CACNA2D1: variants seen among roughly 807,000 people sequenced by gnomAD.
CACNA2D1 encodes voltage-dependent calcium channel subunit alpha-2/delta-1.
A neutral mutation model predicts 171.5 loss-of-function variants in CACNA2D1; 53 were observed. The ratio of observed to expected loss-of-function variants is 0.31; its 90% CI spans 0.25 to 0.39. The LOEUF is 0.39. Among genes scored for constraint, CACNA2D1 ranks in the 10% least tolerant of loss-of-function variants. The pLI is 1.00. For synonymous variants in CACNA2D1, 442 were observed against 443.1 expected (o/e 1.00, Z 0.03); for missense variants, 903 against 1,299.8 (o/e 0.69, Z 4.69).
At chr7:82,386,558 C>T (rs887041746) in intron 1 of CACNA2D1, among the ~76,000 whole-genome samples, 2 of 152,044 alleles carry the variant, frequency 1.3e-5, no homozygotes, top group East Asian at 3.9e-4. Context: ...CATGGAGAAA[C>T]CCCGTCTCTA....
rs566933104 is a variant in CACNA2D1 at position 82,067,847 on chromosome 7, A to G, written c.659-1323T>C. Among the ~76,000 whole-genome samples, 9 of 152,254 alleles carry G rather than the reference A, an allele frequency of 5.9e-5. No individual in the cohort carries two copies. The East Asian group carries it at 1.7e-3, about 29-fold the overall frequency. Reference sequence around the variant, plus strand: ...CCAAGATAGGGTCTTAGTAATACCTAAAATTTTATAGAAATTGTATCCTAC... The same window carrying G: ...CCAAGATAGGGTCTTAGTAATACCTGAAATTTTATAGAAATTGTATCCTAC... On this transcript the variant is annotated intron_variant, in intron 7 of 38. Transcript: ENST00000356860.
chr7:81,962,527 T>C lies in CACNA2D1; in HGVS notation c.2781-32A>G, dbSNP rs1296558494. The C allele has an allele frequency of 2.8e-6, 4 of 1,405,192 alleles. No individual in the cohort carries two copies. In the African/African-American group the frequency reaches 4.3e-5, roughly 15 times the overall value. 87.0% of individuals were successfully genotyped at this position (1,405,192 alleles called of 1,614,324 possible). A position where few individuals can be genotyped will look rare whatever the true frequency, so the allele number is the denominator to read the frequency against. The stretch of plus-strand genomic sequence containing the variant: ...TTTTCAAATAAAAAAAAAATAAACA[T>C]CTAGGGAAAAAATGTGTTTTTACAT... On this transcript the variant is annotated intron_variant, in intron 34 of 38. Transcript: ENST00000356860.
chr7:81,991,140 T>G (rs757605219), intron 21 of CACNA2D1, 45 bp downstream of exon 21: 1 of 930,600 alleles, frequency 1.1e-6, no homozygotes, highest in Non-Finnish European at 1.8e-6. Context: ...AGACTTAATA[T>G]TAATCCATTG....
In CACNA2D1 at chr7:82,125,842, T is replaced by C. The variant is rs144565825; in HGVS notation, c.397-8669A>G. Among the ~76,000 whole-genome samples the C allele has an allele frequency of 3.3e-3, 504 of 152,336 alleles. 6 individuals carry two copies. Among genetic ancestry groups the C allele is most frequent in the South Asian group, 0.028 (137 of 4,826 alleles). On this transcript the variant is annotated intron_variant, in intron 5 of 38. Transcript: ENST00000356860. ...CTTTGTATTTTGTGCATGCATTATC[T>C]TAAGGTTTTCATACAAAGATTAAAT... is the stretch of plus-strand genomic sequence containing the variant.
chr7:82,302,093 A>G (rs1276456490), intron 3 of CACNA2D1, among the ~76,000 whole-genome samples: 1 of 152,088 alleles, frequency 6.6e-6, no homozygotes, highest in Non-Finnish European at 1.5e-5. Flanking sequence ...ATATATTTAA[A>G]TTTTCTTTCC....
intron 12 of CACNA2D1, among the ~76,000 whole-genome samples, chr7:82,024,930 T>C (rs987982956): frequency 2.0e-5 from 3 of 151,602 alleles, no homozygotes; most frequent in African/African-American, 7.3e-5. Context: ...TTTGCACCCT[T>C]ATAGAGGATC....
chr7:82,363,251 TCTC>T (rs1821283928), intron 1 of CACNA2D1, among the ~76,000 whole-genome samples: 1 of 138,498 alleles, frequency 7.2e-6, no homozygotes, highest in Non-Finnish European at 1.5e-5. Context: ...TATTTATTTG[TCTC>T]TTTTTTTTTT....
At chr7:82,395,884 A>G (rs1825704168) in intron 1 of CACNA2D1, among the ~76,000 whole-genome samples, 2 of 152,216 alleles carry the variant, frequency 1.3e-5, no homozygotes, top group Admixed American at 1.3e-4. Context: ...CATAAAAAAA[A>G]TAAAATGGGC....
At chr7:81,991,552 G>C (rs1160400377) in intron 20 of CACNA2D1, among the ~76,000 whole-genome samples, 1 of 152,100 alleles carries the variant, frequency 6.6e-6, no homozygotes, top group Non-Finnish European at 1.5e-5. Context: ...ATTTAGACAA[G>C]GCTCGGATAT....
intron 10 of CACNA2D1, among the ~76,000 whole-genome samples, chr7:82,052,894 C>T (rs978154696): frequency 6.6e-6 from 1 of 152,118 alleles, no homozygotes; most frequent in African/African-American, 2.4e-5. Context: ...GTAGTATTAT[C>T]AACCTCACAG....
chr7:82,084,666 T>C lies in CACNA2D1; in HGVS notation c.658+103A>G, dbSNP rs1165422061. On this transcript the variant is annotated intron_variant, in intron 7 of 38. Transcript: ENST00000356860. ...ATGTTCTTTCCTTATAAAAGTAGTG[T>C]GATATAGTCATATTTTTCTTACAGT... 6.3e-6 allele frequency: 8 copies of C among 1,264,390 alleles called. No homozygotes were observed. In the African/African-American group the frequency reaches 7.3e-5, roughly 12 times the overall value. 78.3% of individuals were successfully genotyped at this position (1,264,390 alleles called of 1,614,324 possible).
chr7:82,149,825 T>C (rs1224358496), intron 4 of CACNA2D1, among the ~76,000 whole-genome samples: 55 of 146,454 alleles, frequency 3.8e-4, no homozygotes, highest in African/African-American at 9.5e-4. Context: ...GGTGTGGTGG[T>C]AGGCGCCTGT....
intron 24 of CACNA2D1, among the ~76,000 whole-genome samples, chr7:81,975,481 G>A (rs1266517988): frequency 6.6e-5 from 10 of 152,076 alleles, no homozygotes; most frequent in South Asian, 6.2e-4. Context: ...TCACAGAGAC[G>A]AGAGGCTTGT....
At chr7:82,078,872 GAGAAAGAGGAAGA>G (rs1173718787) in intron 7 of CACNA2D1, among the ~76,000 whole-genome samples, 3 of 150,242 alleles carry the variant, frequency 2.0e-5, no homozygotes, top group Admixed American at 2.0e-4. Flanking sequence ...AGAAGGAGAG[GAGAAAGAGGAAGA>G]AGAAAGAGGG....
intron 2 of CACNA2D1, among the ~76,000 whole-genome samples, chr7:82,337,884 T>C (rs577057145): frequency 3.3e-5 from 5 of 152,314 alleles, no homozygotes; most frequent in African/African-American, 1.2e-4. Context: ...AGAATACTTG[T>C]CACCTGTACA....
chr7:82,182,139 GC>G (rs1797195775), intron 3 of CACNA2D1, among the ~76,000 whole-genome samples: 1 of 151,894 alleles, frequency 6.6e-6, no homozygotes, highest in South Asian at 2.1e-4. Context: ...GTCCTTGTGA[GC>G]CCATTACTCA....
intron 1 of CACNA2D1, among the ~76,000 whole-genome samples, chr7:82,382,051 G>A (rs1177065766): frequency 1.3e-5 from 2 of 152,180 alleles, no homozygotes; most frequent in African/African-American, 2.4e-5. Context: ...CAGGGAGGAC[G>A]TGAATCTTCG....
chr7:82,032,864 A>G lies in CACNA2D1; in HGVS notation c.1076T>C (p.Met359Thr), dbSNP rs1348576976. 3 of 1,602,662 alleles carry G rather than the reference A, an allele frequency of 1.9e-6. No individual in the cohort carries two copies. Among genetic ancestry groups the G allele is most frequent in the Non-Finnish European group, 1.7e-6 (2 of 1,170,378 alleles). The change falls in exon 12 of 39, where the codon ATG (methionine) becomes ACG (threonine). Residue 359 changes from methionine (M) to threonine (T), a missense_variant. Met to Thr is a moderately conservative substitution (Grantham distance 81). Around this residue, in one of 5 missense-constraint regions of CACNA2D1, gnomAD observed 623 missense variants for 925.5 expected, o/e 0.67. Coordinates refer to ENST00000356860, the MANE Select transcript of CACNA2D1 (RefSeq NM_000722.4). The part of the protein sequence containing the change: ...VSRANCNKII[M>T]LFTDGGEERA... The stretch of plus-strand genomic sequence containing the variant: ...CTCTTCTCCTCCATCCGTGAATAGC[A>G]TAATAATCTTATTGCAGTTTGCTCT...
chr7:82,239,481 T>C (rs1803997101), intron 3 of CACNA2D1, among the ~76,000 whole-genome samples: 1 of 152,176 alleles, frequency 6.6e-6, no homozygotes, highest in African/African-American at 2.4e-5. Flanking sequence ...TTCTCATTAG[T>C]AGTGATAACA....
Sources: gnomAD v4.1 joint callset for allele counts (sites outside exome capture counted in the v4.1 genomes callset) on GRCh38, gnomAD v4.1.1 for gene constraint, gnomAD v4.1.1 regional missense constraint, MANE v1.5 for transcripts, NCBI Gene and HGNC (gene_info 2026-07-23, HGNC 2026-07-21) for gene names.